The following PHACTR3 variants were observed in gnomAD, a reference collection of about 807,000 sequenced individuals.
PHACTR3 encodes phosphatase and actin regulator 3.
In PHACTR3, 16 loss-of-function variants were observed where a neutral mutation model predicts 66.8. That is an observed-to-expected ratio of 0.24 (90% confidence interval 0.16 to 0.36). The LOEUF (loss-of-function observed/expected upper bound fraction) is 0.36. Ranked by LOEUF, PHACTR3 falls within the 10% of genes least tolerant of loss-of-function variation. The pLI is 1.00. For synonymous variants in PHACTR3, 323 were observed against 292.1 expected, an observed-to-expected ratio of 1.11 and a Z score of -1.08; for missense variants, 647 against 719.9, an observed-to-expected ratio of 0.90 and a Z score of 1.16.
At chr20:59,827,047 C>G (rs1415973693) in intron 8 of PHACTR3, among the ~76,000 whole-genome samples, 1 of 152,172 alleles carries the variant, frequency 6.6e-6, no homozygotes. Flanking sequence ...GGTGATTCCT[C>G]AGTACCTCTG....
intron 8 of PHACTR3, chr20:59,835,932 C>T (rs891295728): frequency 6.6e-6 from 1 of 152,220 alleles, no homozygotes. Flanking sequence ...GCCCCTTAGA[C>T]GTCTTTAGAC....
intron 1 of PHACTR3, among the ~76,000 whole-genome samples, chr20:59,723,982 C>T (rs1483267418): frequency 6.6e-6 from 1 of 152,138 alleles, no homozygotes; most frequent in Non-Finnish European, 1.5e-5. Context: ...ATCCTCCCCA[C>T]TGTGTGTGAA....
rs555235007 is a variant in PHACTR3, at chr20:59,670,480, A to G, written c.118+65348A>G. ...GTCGTCCCCTGCCCTGGACAAGCTC[A>G]TGTGAATGGCCAGAGTGTGGACACA... On this transcript the variant is annotated intron_variant, in intron 1 of 12. Coordinates refer to ENST00000371015, the MANE Select transcript of PHACTR3 (RefSeq NM_080672.5). Among the ~76,000 whole-genome samples the G allele has an allele frequency of 7.2e-5, 11 of 152,184 alleles. No individual in the cohort carries two copies. The South Asian group carries it at 2.3e-3, about 32-fold the overall frequency.
At chr20:59,769,578 CCATACACG>C (rs1355213322) in intron 5 of PHACTR3, among the ~76,000 whole-genome samples, 1 of 152,190 alleles carries the variant, frequency 6.6e-6, no homozygotes, top group African/African-American at 2.4e-5. Context: ...GCCCAAGGAG[CCATACACG>C]CCTTGTCTGT....
intron 1 of PHACTR3, among the ~76,000 whole-genome samples, chr20:59,656,532 GA>G (rs1413553527): frequency 6.6e-6 from 1 of 151,738 alleles, no homozygotes; most frequent in East Asian, 1.9e-4. Flanking sequence ...TTGTATCTTT[GA>G]ATCTAAAGTG....
intron 8 of PHACTR3, among the ~76,000 whole-genome samples, chr20:59,815,189 G>A (rs1383778824): frequency 3.9e-5 from 6 of 152,114 alleles, no homozygotes; most frequent in South Asian, 2.1e-4. Context: ...GGACCTCATC[G>A]GGGGGAATTT....
intron 1 of PHACTR3, among the ~76,000 whole-genome samples, chr20:59,716,705 T>A (rs1033380849): frequency 6.6e-6 from 1 of 152,218 alleles, no homozygotes; most frequent in Admixed American, 6.5e-5. Flanking sequence ...CACACATTTA[T>A]CTGTATGATT....
At chr20:59,699,426 G>A (rs1418402094) in intron 1 of PHACTR3, among the ~76,000 whole-genome samples, 1 of 152,134 alleles carries the variant, frequency 6.6e-6, no homozygotes, top group Non-Finnish European at 1.5e-5. Context: ...GCTATTAAAA[G>A]AAGGCTTCTA....
chr20:59,778,175 G>A (rs376058847), intron 7 of PHACTR3, among the ~76,000 whole-genome samples: 217 of 152,254 alleles, frequency 1.4e-3, no homozygotes, highest in South Asian at 2.5e-3. Flanking sequence ...GTCTCTCTGT[G>A]CCACCATTGC....
At chr20:59,845,324 C>A in intron 12 of PHACTR3, 59 bp downstream of exon 12, 2 of 1,059,198 alleles carry the variant, frequency 1.9e-6, no homozygotes, top group Admixed American at 2.0e-5. Context: ...ACCGCCTTCC[C>A]CCGTCCCCCG....
Position 59,674,750 on chromosome 20 carries a change from G to C in PHACTR3, c.119-68357G>C, listed in dbSNP as rs546733599. Among the ~76,000 whole-genome samples, 103 of 23,476 alleles carry C rather than the reference G, an allele frequency of 4.4e-3. 1 individual carries two copies. The highest frequency in any genetic ancestry group is 0.028 in the Middle Eastern group (1 of 36). 15.4% of individuals were successfully genotyped at this position (23,476 alleles called of 152,430 possible). On this transcript the variant is annotated intron_variant, in intron 1 of 12. Coordinates refer to ENST00000371015, the MANE Select transcript of PHACTR3 (RefSeq NM_080672.5). ...CCCTCCTCCTGTTCCCCCCTTCTCT[G>C]GTTCCCTCCTTCTCCTGTTCCCCCT...
At chr20:59,810,434 G>A (rs1049201916) in intron 8 of PHACTR3, among the ~76,000 whole-genome samples, 2 of 152,200 alleles carry the variant, frequency 1.3e-5, no homozygotes, top group African/African-American at 4.8e-5. Context: ...AGCATCCCAG[G>A]AGGTCAGACA....
At chr20:59,684,998 C>T (rs2036808859) in intron 1 of PHACTR3, among the ~76,000 whole-genome samples, 1 of 152,196 alleles carries the variant, frequency 6.6e-6, no homozygotes, top group African/African-American at 2.4e-5. Flanking sequence ...TTCTGCAGGT[C>T]CCTTGGTCTG....
chr20:59,845,026 T>C, intron 11 of PHACTR3, 163 bp from the exon 12 acceptor site: 1 of 524,494 alleles, frequency 1.9e-6, no homozygotes, highest in Non-Finnish European at 3.5e-6. Flanking sequence ...ACTATAATAA[T>C]GAGTATGGCA....
chr20:59,673,840 C>A lies in PHACTR3; in HGVS notation c.118+68708C>A, dbSNP rs534261910. 3.3e-5 allele frequency among the ~76,000 whole-genome samples: 5 copies of A among 152,236 alleles called. No homozygotes were observed. The South Asian group carries it at 1.0e-3, about 32-fold the overall frequency. ...TGTGTCCGAACTGGGTAGTTTTGTG[C>A]AGCTCACTCTGCCTCTCTGAGCCTT... is the stretch of plus-strand genomic sequence containing the variant. On this transcript the variant is annotated intron_variant, in intron 1 of 12. Coordinates refer to ENST00000371015, the MANE Select transcript of PHACTR3 (RefSeq NM_080672.5).
chr20:59,678,239 C>T (rs1361758817), intron 1 of PHACTR3, among the ~76,000 whole-genome samples: 3 of 152,150 alleles, frequency 2.0e-5, no homozygotes, highest in Non-Finnish European at 4.4e-5. Flanking sequence ...CAGCCCGTGG[C>T]TTACAGGGCT....
intron 1 of PHACTR3, among the ~76,000 whole-genome samples, chr20:59,733,280 G>A (rs993365085): frequency 7.2e-5 from 11 of 152,056 alleles, no homozygotes; most frequent in Non-Finnish European, 1.2e-4. Context: ...TTCTAGGGGT[G>A]GAGGAGGTCA....
chr20:59,671,208 G>C (rs973673269), intron 1 of PHACTR3, among the ~76,000 whole-genome samples: 3 of 152,202 alleles, frequency 2.0e-5, no homozygotes, highest in Non-Finnish European at 2.9e-5. Flanking sequence ...CTTGGGCCTT[G>C]GTGAAGTGGC....
At chr20:59,657,378 T>A (rs2035657270) in intron 1 of PHACTR3, among the ~76,000 whole-genome samples, 1 of 152,024 alleles carries the variant, frequency 6.6e-6, no homozygotes, top group Non-Finnish European at 1.5e-5. Context: ...ATTACATCAT[T>A]ACCTTTACTG....
Sources: gnomAD v4.1 joint callset for allele counts (sites outside exome capture counted in the v4.1 genomes callset) on GRCh38, gnomAD v4.1.1 for gene constraint, MANE v1.5 for transcripts, NCBI Gene and HGNC (gene_info 2026-07-23, HGNC 2026-07-21) for gene names.